Variants in OXR1 observed in about 807,000 individuals in gnomAD.
OXR1 encodes the protein oxidation resistance 1.
In OXR1, 41 loss-of-function variants were observed where a neutral mutation model predicts 104.6. The observed-to-expected ratio is 0.39, with a 90% CI of 0.31 to 0.51. The LOEUF is 0.51. Among genes scored for constraint, OXR1 ranks in the 20% least tolerant of loss-of-function variants. OXR1 has a pLI of 0.77. For synonymous variants in OXR1, 348 were observed against 348.4 expected (o/e 1.00, Z 0.01); for missense variants, 955 against 1,031.9 (o/e 0.93, Z 1.02).
intron 11 of OXR1, among the ~76,000 whole-genome samples, chr8:106,714,683 G>T (rs1296189102): frequency 6.6e-6 from 1 of 152,176 alleles, no homozygotes; most frequent in East Asian, 1.9e-4. Flanking sequence ...ATATCTGTTG[G>T]TGTTGCCTAG....
intron 3 of OXR1, among the ~76,000 whole-genome samples, chr8:106,669,456 A>T (rs1826700486): frequency 1.3e-5 from 2 of 152,198 alleles, no homozygotes; most frequent in South Asian, 2.1e-4. Flanking sequence ...TTTTGTTTTG[A>T]TCGTGGATAA....
At chr8:106,689,703 C>T (rs180756079) in intron 6 of OXR1, among the ~76,000 whole-genome samples, 6 of 151,822 alleles carry the variant, frequency 4.0e-5, no homozygotes, top group Non-Finnish European at 8.8e-5. Context: ...GTTAATTTCT[C>T]ATAGGGTTTT....
At chr8:106,653,071 GAAAA>G (rs536723741) in intron 3 of OXR1, among the ~76,000 whole-genome samples, 5 of 129,932 alleles carry the variant, frequency 3.8e-5, no homozygotes, top group African/African-American at 8.3e-5. Context: ...AGGAGAAATA[GAAAA>G]AAAAAAAAAT....
chr8:106,296,194 C>T (rs1362791587), intron 1 of OXR1, among the ~76,000 whole-genome samples: 13 of 152,142 alleles, frequency 8.5e-5, no homozygotes, highest in African/African-American at 3.1e-4. Flanking sequence ...ACTCCCAGTC[C>T]CTTCTCATTT....
At position 106,272,413 on chromosome 8, in the gene OXR1, GCTGT is replaced by G. The variant is rs1224828668; in HGVS notation, c.-139+2049_-139+2052del. On this transcript the variant is annotated intron_variant, in intron 1 of 16. Coordinates refer to ENST00000517566, the MANE Select transcript of OXR1 (RefSeq NM_001198533.2). ...AGAGCAAGCACTGTACCTACTGTCT[GCTGT>G]CTAAGAGGGCTGGTCTCATAACTAA... 7 of 152,382 alleles carry G rather than the reference GCTGT, an allele frequency of 4.6e-5. No individual in the cohort carries two copies. The South Asian group carries it at 1.0e-3, about 23-fold the overall frequency. The allele number at this position is 152,382 out of a possible 1,614,324, so 9.4% of individuals were successfully genotyped here.
chr8:106,707,771 A>G (rs1004269619), intron 9 of OXR1: 2 of 152,854 alleles, frequency 1.3e-5, no homozygotes, highest in Non-Finnish European at 2.9e-5. Context: ...CTGTTAATAA[A>G]TTATGGGTTA....
intron 1 of OXR1, among the ~76,000 whole-genome samples, chr8:106,339,479 G>A (rs1264103709): frequency 9.0e-5 from 9 of 100,144 alleles, no homozygotes; most frequent in Non-Finnish European, 1.4e-4. Context: ...TGGGAACAGA[G>A]CGAGACTCCA....
Position 106,435,409 on chromosome 8 carries a change from C to T in OXR1, c.23+75773C>T, listed in dbSNP as rs956798921. On this transcript the variant is annotated intron_variant, in intron 2 of 16. Coordinates refer to ENST00000517566, the MANE Select transcript of OXR1 (RefSeq NM_001198533.2). ...TTTGAATCCGGGCTTGTCAGTCATT[C>T]AGTCAGGTCTTCTCCCTAATCACCC... 1.1e-4 allele frequency among the ~76,000 whole-genome samples: 17 copies of T among 152,238 alleles called. 1 individual carries two copies. The highest frequency in any genetic ancestry group is 1.1e-3 in the Admixed American group (17 of 15,286).
rs532021578 is a variant in OXR1, at chr8:106,591,951, C to T, written c.220+72812C>T. On this transcript the variant is annotated intron_variant, in intron 3 of 16. Transcript: ENST00000517566. Reference sequence around the variant, plus strand: ...GGCGTGAGAGCTGCAGCGGCATTTCCGACACACTGCTGCCCCCTGCTGCCT... The same window carrying T: ...GGCGTGAGAGCTGCAGCGGCATTTCTGACACACTGCTGCCCCCTGCTGCCT... 1.6e-4 allele frequency among the ~76,000 whole-genome samples: 24 copies of T among 152,276 alleles called. 1 individual carries two copies. The East Asian group carries it at 3.5e-3, about 22-fold the overall frequency.
In OXR1 at chr8:106,692,761, T is replaced by A; in HGVS notation, c.559T>A (p.Ser187Thr). Residue 187 changes from serine to threonine, a missense_variant, in exon 7 of 17, where the codon TCA (serine) becomes ACA (threonine). Coordinates refer to ENST00000517566, the MANE Select transcript of OXR1 (RefSeq NM_001198533.2). ...PDVHPTEATP[S>T]STFTGIRPAR... ...TGTCCATCCAACAGAAGCAACTCCC[T>A]CATCTACTTTCACTGGTATTCGACC... The A allele has an allele frequency of 6.4e-7, 1 of 1,565,070 alleles. No individual in the cohort carries two copies. Among genetic ancestry groups the A allele is most frequent in the South Asian group, 1.2e-5 (1 of 82,818 alleles).
Position 106,538,125 on chromosome 8 carries a change from T to C in OXR1, c.220+18986T>C, listed in dbSNP as rs569319730. On this transcript the variant is annotated intron_variant, in intron 3 of 16. Transcript: ENST00000517566. ...TGGTCCTGGACCTGGGTCACAAATA[T>C]TCAGTCCATAGTGGCCATGTAGGTA... is the stretch of plus-strand genomic sequence containing the variant. Among the ~76,000 whole-genome samples, 3 of 152,300 alleles carry C rather than the reference T, an allele frequency of 2.0e-5. No individual in the cohort carries two copies. In the East Asian group the frequency reaches 5.8e-4, roughly 29 times the overall value.
intron 2 of OXR1, among the ~76,000 whole-genome samples, chr8:106,366,431 C>A (rs549799644): frequency 6.6e-6 from 1 of 152,128 alleles, no homozygotes; most frequent in Non-Finnish European, 1.5e-5. Context: ...ACCAGCAAAT[C>A]GTCTACGATA....
At chr8:106,481,906 T>C (rs985581589) in intron 2 of OXR1, among the ~76,000 whole-genome samples, 1 of 152,042 alleles carries the variant, frequency 6.6e-6, no homozygotes, top group African/African-American at 2.4e-5. Flanking sequence ...TATATACTTA[T>C]AATTCTCTTG....
At chr8:106,404,779 C>T (rs567525061) in intron 2 of OXR1, among the ~76,000 whole-genome samples, 28 of 152,192 alleles carry the variant, frequency 1.8e-4, no homozygotes, top group African/African-American at 6.5e-4. Context: ...AATCTTGGCT[C>T]ACTGCAAGCT....
chr8:106,642,532 T>C (rs1823735619), intron 3 of OXR1, among the ~76,000 whole-genome samples: 1 of 152,272 alleles, frequency 6.6e-6, no homozygotes, highest in Admixed American at 6.5e-5. Context: ...GAAAAGAGCA[T>C]GGAGATCACC....
At chr8:106,750,324 CTTT>C (rs35858491) in intron 16 of OXR1, among the ~76,000 whole-genome samples, 3 of 138,196 alleles carry the variant, frequency 2.2e-5, no homozygotes, top group Non-Finnish European at 4.6e-5. Flanking sequence ...CTTTTCTTTT[CTTT>C]TTTTTTTTTT....
chr8:106,697,535 G>A lies in OXR1; in HGVS notation c.675+4658G>A, dbSNP rs576364394. 28 of 1,611,146 alleles carry A rather than the reference G, an allele frequency of 1.7e-5. No individual in the cohort carries two copies. The South Asian group carries it at 1.8e-4, about 10-fold the overall frequency. On this transcript the variant is annotated intron_variant, in intron 7 of 16. Transcript: ENST00000517566. ...TGCAGCTGGTTATCCGAGAAGTTCC[G>A]AGGATTCTCCTTGGATTTCTTAGGG...
rs151130526 is a variant in OXR1, at chr8:106,603,967, C to T, written c.221-75243C>T. On this transcript the variant is annotated intron_variant, in intron 3 of 16. Transcript: ENST00000517566. ...ACTCGGGAGGCTGAGGCAGGAGACT[C>T]GCTTAAACCCAGGAGGCGGTTGTTG... 2.9e-3 allele frequency among the ~76,000 whole-genome samples: 444 copies of T among 152,152 alleles called. 5 individuals are homozygous for T. Among genetic ancestry groups the T allele is most frequent in the African/African-American group, 0.01 (431 of 41,536 alleles).
At chr8:106,287,838 G>C (rs936503208) in intron 1 of OXR1, among the ~76,000 whole-genome samples, 1 of 152,170 alleles carries the variant, frequency 6.6e-6, no homozygotes, top group Admixed American at 6.5e-5. Context: ...TTTGGTGTTT[G>C]CTTCCAATAC....
Sources: gnomAD v4.1 joint callset for allele counts (sites outside exome capture counted in the v4.1 genomes callset) on GRCh38, gnomAD v4.1.1 for gene constraint, MANE v1.5 for transcripts, NCBI Gene and HGNC (gene_info 2026-07-23, HGNC 2026-07-21) for gene names.